The following GALNT8 variants were observed in gnomAD, a reference collection of about 807,000 sequenced individuals.
The protein encoded by GALNT8 is polypeptide N-acetylgalactosaminyltransferase 8, also known as probable polypeptide N-acetylgalactosaminyltransferase 8.
A neutral mutation model predicts 62.7 loss-of-function variants in GALNT8; 66 were observed. The observed-to-expected ratio is 1.05, with a 90% CI of 0.86 to 1.29. GALNT8 has a LOEUF of 1.29. Among genes scored for constraint, GALNT8 ranks in the 50% most tolerant of loss-of-function variants. The probability of loss-of-function intolerance (pLI) is 0.00; values close to 1 mark genes in which losing one functional copy is unlikely to be tolerated. For synonymous variants in GALNT8, 288 were observed against 294.3 expected, an observed-to-expected ratio of 0.98 and a Z score of 0.22; for missense variants, 771 against 791.8, an observed-to-expected ratio of 0.97 and a Z score of 0.32.
chr12:4,724,067 T>C (rs1003704171), intron 1 of GALNT8, among the ~76,000 whole-genome samples: 11 of 137,858 alleles, frequency 8.0e-5, no homozygotes, highest in Non-Finnish European at 1.2e-4. Context: ...GAGAATGGCG[T>C]GAATCTGGGA....
At chr12:4,734,557 T>A (rs765322046) in intron 2 of GALNT8, among the ~76,000 whole-genome samples, 5 of 152,110 alleles carry the variant, frequency 3.3e-5, no homozygotes, top group Non-Finnish European at 7.4e-5. Context: ...TTTCGCTTCT[T>A]TCTTTCTCCA....
Position 4,761,093 on chromosome 12 carries a change from A to T in GALNT8, c.1309A>T (p.Met437Leu). The change falls in exon 7 of 11, where the codon ATG becomes TTG. Residue 437 changes from methionine to leucine, a missense_variant. Met to Leu is a conservative substitution (Grantham distance 15). Transcript: ENST00000252318. ...RNALRVAEIW[M>L]DEHKHMVYLA... Reference sequence around the variant, plus strand: ...TGCTCTGCGAGTGGCCGAAATCTGGATGGATGAGCACAAACACATGGTCTA... The same window carrying T: ...TGCTCTGCGAGTGGCCGAAATCTGGTTGGATGAGCACAAACACATGGTCTA... 1 of 1,614,086 alleles carries T rather than the reference A, an allele frequency of 6.2e-7. No individual in the cohort carries two copies. Among genetic ancestry groups the T allele is most frequent in the Non-Finnish European group, 8.5e-7 (1 of 1,180,000 alleles).
intron 6 of GALNT8, among the ~76,000 whole-genome samples, chr12:4,750,713 G>A (rs767703413): frequency 6.7e-6 from 1 of 150,230 alleles, no homozygotes; most frequent in Admixed American, 6.6e-5. Context: ...TGGGTTGAAT[G>A]GTATCTCTGT....
At position 4,720,800 on chromosome 12, in the gene GALNT8, C is replaced by T. The variant is rs760625706; in HGVS notation, c.123C>T (p.Leu41=). ...GTLQNLFTGG[L]HRELPLHLNK... ...TACAAAACCTGTTTACGGGTGGTCT[C>T]CACAGGGAGCTTCCTTTACATCTGA... Residue 41 remains leucine, a synonymous_variant, in exon 1 of 11, where the codon CTC becomes CTT. Coordinates refer to ENST00000252318, the MANE Select transcript of GALNT8 (RefSeq NM_017417.2). 11 of 1,611,570 alleles carry T rather than the reference C, an allele frequency of 6.8e-6. No homozygotes were observed. Among genetic ancestry groups the T allele is most frequent in the African/African-American group, 1.3e-5 (1 of 74,954 alleles).
At chr12:4,745,349 T>G (rs1591569191) in intron 4 of GALNT8, 80 bp from the exon 5 acceptor site, 2 of 877,630 alleles carry the variant, frequency 2.3e-6, no homozygotes, top group Non-Finnish European at 1.9e-6. Context: ...CAGGGCAAGG[T>G]GCTTGGAACA....
At chr12:4,751,761 G>A (rs1946323139) in intron 6 of GALNT8, among the ~76,000 whole-genome samples, 1 of 152,140 alleles carries the variant, frequency 6.6e-6, no homozygotes, top group South Asian at 2.1e-4. Flanking sequence ...ATATCTATTA[G>A]ATACACTTTG....
In GALNT8 at chr12:4,749,298, A is replaced by T. The variant is rs11503126; in HGVS notation, c.1173+3040A>T. Among the ~76,000 whole-genome samples, 10 of 152,230 alleles carry T rather than the reference A, an allele frequency of 6.6e-5. No individual in the cohort carries two copies. Among genetic ancestry groups the T allele is most frequent in the African/African-American group, 2.4e-4 (10 of 41,558 alleles). On this transcript the variant is annotated intron_variant, in intron 6 of 10. Coordinates refer to ENST00000252318, the MANE Select transcript of GALNT8 (RefSeq NM_017417.2). The surrounding 1 kb of genome is among the most constrained non-coding windows in gnomAD (Gnocchi z 4.1). ...TGTCATGTTCCAGATCTTAGAGGAA[A>T]GGCTTTCAGTTATGTTAAGGTATGT...
At chr12:4,721,671 G>A (rs575600266) in intron 1 of GALNT8, among the ~76,000 whole-genome samples, 28 of 152,210 alleles carry the variant, frequency 1.8e-4, no homozygotes, top group African/African-American at 6.3e-4. Flanking sequence ...GTTTTACACC[G>A]AGACATTCCA....
rs756638534 is a variant in GALNT8, at chr12:4,744,705, G to T, written c.860+5G>T. Reference sequence around the variant, plus strand: ...CATTGAAGTCAATGTTGGGTGGTAAGGCTCAAAGAGGCTAGTTCTTCTGGA... The same window carrying T: ...CATTGAAGTCAATGTTGGGTGGTAATGCTCAAAGAGGCTAGTTCTTCTGGA... On this transcript the variant is annotated splice_donor_5th_base_variant and intron_variant, in intron 4 of 10. Coordinates refer to ENST00000252318, the MANE Select transcript of GALNT8 (RefSeq NM_017417.2). 1 of 1,594,012 alleles carries T rather than the reference G, an allele frequency of 6.3e-7. No homozygotes were observed. The highest frequency in any genetic ancestry group is 8.6e-7 in the Non-Finnish European group (1 of 1,165,674).
At chr12:4,734,921 C>A (rs1946237885) in intron 2 of GALNT8, among the ~76,000 whole-genome samples, 1 of 152,172 alleles carries the variant, frequency 6.6e-6, no homozygotes, top group South Asian at 2.1e-4. Context: ...CAAATGCCTG[C>A]CAACATACAT....
chr12:4,743,396 C>T (rs928199888), intron 3 of GALNT8, among the ~76,000 whole-genome samples: 15 of 152,232 alleles, frequency 9.9e-5, no homozygotes, highest in Non-Finnish European at 1.5e-4. Context: ...GAGACAATTA[C>T]TCTTGAGTGC....
chr12:4,768,918 G>C lies in GALNT8; in HGVS notation c.1761+3372G>C, dbSNP rs75037749. On this transcript the variant is annotated intron_variant, in intron 10 of 10. Transcript: ENST00000252318. ...TTTTCCAAAATTGAGAGGGAGATGA[G>C]ACTAGATCATCCCTTCGTTTTCTTT... Among the ~76,000 whole-genome samples the C allele has an allele frequency of 5.4e-3, 827 of 152,302 alleles. 4 individuals carry two copies. The highest frequency in any genetic ancestry group is 0.018 in the African/African-American group (767 of 41,558).
intron 6 of GALNT8, among the ~76,000 whole-genome samples, chr12:4,754,281 C>A (rs187256299): frequency 6.6e-6 from 1 of 152,124 alleles, no homozygotes; most frequent in Admixed American, 6.5e-5. Context: ...TCCTTCCTTT[C>A]GGGGCCGTGT....
chr12:4,765,465 T>A lies in GALNT8; in HGVS notation c.1680T>A (p.Pro560=), dbSNP rs1197591826. The change falls in exon 10 of 11, where the codon CCT becomes CCA. Residue 560 remains proline, a synonymous_variant. Transcript: ENST00000252318. ...CTAGTGATCGCTGCCTGACAGACCC[T>A]GGCAAGGCGGAGAAGCCCACCTTAG... The part of the protein sequence containing the change: ...ASASDRCLTD[P]GKAEKPTLEP... The A allele has an allele frequency of 1.2e-6, 2 of 1,611,566 alleles. No homozygotes were observed.
chr12:4,765,117 G>A (rs1207444189), intron 9 of GALNT8, among the ~76,000 whole-genome samples: 1 of 152,094 alleles, frequency 6.6e-6, no homozygotes, highest in Non-Finnish European at 1.5e-5. Flanking sequence ...TTTCTTCAAA[G>A]ACAAGCTTCT....
chr12:4,726,811 C>G lies in GALNT8; in HGVS notation c.491C>G (p.Pro164Arg). 1 of 1,612,860 alleles carries G rather than the reference C, an allele frequency of 6.2e-7. No homozygotes were observed. The highest frequency in any genetic ancestry group is 8.5e-7 in the Non-Finnish European group (1 of 1,179,294). Residue 164 changes from proline to arginine, a missense_variant, in exon 2 of 11, where the codon CCC becomes CGC. By Grantham distance (103) the Pro-to-Arg change is moderately radical. Coordinates refer to ENST00000252318, the MANE Select transcript of GALNT8 (RefSeq NM_017417.2). The surrounding 1 kb of genome is among the most constrained non-coding windows in gnomAD (Gnocchi z 4.1). The part of the protein sequence containing the change: ...SNQLPLNRTI[P>R]DTRDYRCLRK... ...CAGCTGCCTCTCAATCGCACCATCCCCGACACGCGAGACTACAGGTGGGAT... is the reference window on the plus strand; with the variant it reads ...CAGCTGCCTCTCAATCGCACCATCCGCGACACGCGAGACTACAGGTGGGAT...
Position 4,770,048 on chromosome 12 carries a change from C to T in GALNT8, c.1762-2397C>T, listed in dbSNP as rs561696383. On this transcript the variant is annotated intron_variant, in intron 10 of 10. Transcript: ENST00000252318. ...GCACGGTGGCTCACGCCTATAACCCCAGCACTTTGGGAGGCCGAGGCGGGC... is the reference window on the plus strand; with the variant it reads ...GCACGGTGGCTCACGCCTATAACCCTAGCACTTTGGGAGGCCGAGGCGGGC... Among the ~76,000 whole-genome samples the T allele has an allele frequency of 3.9e-5, 6 of 152,214 alleles. No individual in the cohort carries two copies. The South Asian group carries it at 1.2e-3, about 32-fold the overall frequency.
At chr12:4,767,371 G>A (rs552050791) in intron 10 of GALNT8, among the ~76,000 whole-genome samples, 39 of 152,310 alleles carry the variant, frequency 2.6e-4, no homozygotes, top group South Asian at 8.3e-4. Context: ...AACATGGCAG[G>A]CACTCAACAA....
intron 6 of GALNT8, among the ~76,000 whole-genome samples, chr12:4,753,667 T>C (rs917290367): frequency 1.3e-5 from 2 of 152,246 alleles, no homozygotes; most frequent in East Asian, 1.9e-4. Context: ...TTCTCTAGGA[T>C]TGGTCCCTTC....
Sources: allele counts gnomAD v4.1 joint callset (sites outside exome capture counted in the v4.1 genomes callset), GRCh38; gene constraint gnomAD v4.1.1; non-coding constraint Gnocchi (gnomAD v3.1); transcripts MANE v1.5; gene names NCBI Gene and HGNC (gene_info 2026-07-23, HGNC 2026-07-21).